The following CYYR1 variants were observed in gnomAD, a reference collection of about 807,000 sequenced individuals.
CYYR1 encodes cysteine and tyrosine rich 1.
Under a neutral mutation model 15.2 loss-of-function variants are expected in CYYR1, and 14 were observed. The observed-to-expected ratio is 0.92, with a 90% confidence interval of 0.61 to 1.44. CYYR1 has a LOEUF of 1.44. Among genes scored for constraint, CYYR1 ranks in the 40% most tolerant of loss-of-function variants. CYYR1 has a pLI of 0.00. For missense variants in CYYR1, 228 were observed against 209.5 expected (o/e 1.09, Z -0.54); for synonymous variants, 80 against 77.4 (o/e 1.03, Z -0.18).
rs112866401 is a variant in CYYR1, at chr21:26,468,530, G to A, written c.439C>T (p.Pro147Ser). 1.5e-5 allele frequency: 24 copies of A among 1,603,708 alleles called. No individual in the cohort carries two copies. The highest frequency in any genetic ancestry group is 5.4e-5 in the African/African-American group (4 of 74,702). Residue 147 changes from proline to serine, a missense_variant, in exon 4 of 4, where the codon CCT (proline) becomes TCT (serine). Coordinates refer to ENST00000652641, the MANE Select transcript of CYYR1 (RefSeq NM_001320768.2). The part of the protein sequence containing the change: ...PQGPAQRSPP[P>S]PYPGNARK ...TTCCTTGCGTTTCCAGGATAAGGAG[G>A]GGGTGGAGAACGCTGTGCTGGACCC...
At chr21:26,515,517 T>G (rs1024049082) in intron 2 of CYYR1, among the ~76,000 whole-genome samples, 5 of 152,042 alleles carry the variant, frequency 3.3e-5, no homozygotes, top group Admixed American at 3.3e-4. Flanking sequence ...CATACCATCA[T>G]GCCCGGCTAA....
intron 3 of CYYR1, chr21:26,477,683 T>A (rs2065121855): frequency 1.1e-6 from 1 of 909,774 alleles, no homozygotes; most frequent in Admixed American, 6.2e-5. Flanking sequence ...TCAATTAAAC[T>A]TTTTTGATCA....
chr21:26,514,066 T>TAA (rs5843239), intron 2 of CYYR1, among the ~76,000 whole-genome samples: 2 of 149,432 alleles, frequency 1.3e-5, no homozygotes, highest in East Asian at 4.0e-4. Context: ...AGTATAATAA[T>TAA]AAAAAAAAAA....
chr21:26,553,568 G>A (rs900280792), intron 2 of CYYR1, among the ~76,000 whole-genome samples: 3 of 152,112 alleles, frequency 2.0e-5, no homozygotes, highest in Admixed American at 1.3e-4. Context: ...GTCCAAAGTC[G>A]AGTAACAGAG....
intron 2 of CYYR1, among the ~76,000 whole-genome samples, chr21:26,540,350 GC>G (rs1569166577): frequency 6.6e-6 from 1 of 152,144 alleles, no homozygotes; most frequent in Non-Finnish European, 1.5e-5. Context: ...CTAACGGCAT[GC>G]CCCAATCAGA....
At chr21:26,572,232 C>T (rs1398201785) in intron 1 of CYYR1, among the ~76,000 whole-genome samples, 1 of 152,184 alleles carries the variant, frequency 6.6e-6, no homozygotes, top group Non-Finnish European at 1.5e-5. Context: ...TTTGGGGCTC[C>T]ATATTAATCA....
chr21:26,523,370 T>C (rs889177657), intron 2 of CYYR1, among the ~76,000 whole-genome samples: 1 of 152,172 alleles, frequency 6.6e-6, no homozygotes, highest in African/African-American at 2.4e-5. Flanking sequence ...CTGCTTCTTT[T>C]CTTACCCCTC....
At chr21:26,563,873 G>A (rs1980416331) in intron 2 of CYYR1, among the ~76,000 whole-genome samples, 1 of 152,058 alleles carries the variant, frequency 6.6e-6, no homozygotes, top group African/African-American at 2.4e-5. Flanking sequence ...TTTAAACTGA[G>A]CAAACATTTT....
chr21:26,543,020 G>A lies in CYYR1; in HGVS notation c.176+23246C>T, dbSNP rs368927942. On this transcript the variant is annotated intron_variant, in intron 2 of 3. Coordinates refer to ENST00000652641, the MANE Select transcript of CYYR1 (RefSeq NM_001320768.2). Reference sequence around the variant, plus strand: ...TTGAAAAGCTAAAGAATGTTTGTCTGCTATAAAAAGATTCAAGTTAAAGTC... The same window carrying A: ...TTGAAAAGCTAAAGAATGTTTGTCTACTATAAAAAGATTCAAGTTAAAGTC... Among the ~76,000 whole-genome samples the A allele has an allele frequency of 5.3e-5, 8 of 152,278 alleles. No individual in the cohort carries two copies. In the East Asian group the frequency reaches 1.3e-3, roughly 26 times the overall value.
intron 2 of CYYR1, among the ~76,000 whole-genome samples, chr21:26,485,421 C>T (rs1010011695): frequency 2.0e-5 from 3 of 152,050 alleles, no homozygotes; most frequent in Admixed American, 6.6e-5. Flanking sequence ...CAAAACTATT[C>T]CATCATCACA....
intron 2 of CYYR1, among the ~76,000 whole-genome samples, chr21:26,536,475 C>A (rs1040957436): frequency 6.6e-6 from 1 of 151,994 alleles, no homozygotes; most frequent in African/African-American, 2.4e-5. Flanking sequence ...GAACTTCAGA[C>A]TTTTTTTGGA....
At chr21:26,511,985 C>CAT (rs1176951890) in intron 2 of CYYR1, among the ~76,000 whole-genome samples, 1 of 137,612 alleles carries the variant, frequency 7.3e-6, no homozygotes, top group Non-Finnish European at 1.5e-5. Context: ...CAATATCACA[C>CAT]ATACACACAC....
chr21:26,511,014 G>A (rs1253806961), intron 2 of CYYR1, among the ~76,000 whole-genome samples: 1 of 152,188 alleles, frequency 6.6e-6, no homozygotes. Flanking sequence ...CAAATTATCT[G>A]TTTCAATTCC....
chr21:26,572,534 G>A lies in CYYR1; in HGVS notation c.73+334C>T, dbSNP rs372105598. ...CTATTTAGAAAGCAGAAGATGGAGA[G>A]GCCACTGCCTAGCCTATCCAGATAA... On this transcript the variant is annotated intron_variant, in intron 1 of 3. Transcript: ENST00000652641. Among the ~76,000 whole-genome samples, 53 of 152,250 alleles carry A rather than the reference G, an allele frequency of 3.5e-4. No homozygotes were observed. The South Asian group carries it at 0.011, about 31-fold the overall frequency.
intron 2 of CYYR1, among the ~76,000 whole-genome samples, chr21:26,506,053 A>G (rs2065556320): frequency 6.6e-6 from 1 of 152,180 alleles, no homozygotes; most frequent in Admixed American, 6.5e-5. Context: ...CCACACCAAC[A>G]TATAGCATGC....
chr21:26,494,954 C>T (rs1029482001), intron 2 of CYYR1, among the ~76,000 whole-genome samples: 3 of 152,138 alleles, frequency 2.0e-5, no homozygotes, highest in Non-Finnish European at 4.4e-5. Flanking sequence ...TACACCACAA[C>T]TTTGTTTCTT....
intron 3 of CYYR1, among the ~76,000 whole-genome samples, chr21:26,473,570 C>T (rs1044322301): frequency 6.6e-6 from 1 of 152,120 alleles, no homozygotes; most frequent in Non-Finnish European, 1.5e-5. Context: ...TTCCCCACCC[C>T]CTTCACTGTG....
intron 2 of CYYR1, among the ~76,000 whole-genome samples, chr21:26,503,185 G>A (rs1240139340): frequency 2.0e-5 from 3 of 152,146 alleles, no homozygotes; most frequent in Non-Finnish European, 4.4e-5. Context: ...AAAAGCACTT[G>A]GAGAGACTTC....
chr21:26,498,174 A>G (rs747540018), intron 2 of CYYR1, among the ~76,000 whole-genome samples: 1 of 152,196 alleles, frequency 6.6e-6, no homozygotes, highest in Non-Finnish European at 1.5e-5. Context: ...AAGGTGTCAT[A>G]TTTGGCCTCT....
Sources: gnomAD v4.1 joint callset for allele counts (sites outside exome capture counted in the v4.1 genomes callset) on GRCh38, gnomAD v4.1.1 for gene constraint, MANE v1.5 for transcripts, NCBI Gene and HGNC (gene_info 2026-07-23, HGNC 2026-07-21) for gene names.